KSR2: variants seen among roughly 807,000 people sequenced by gnomAD.
KSR2 encodes kinase suppressor of ras 2.
KSR2 carries 25 observed loss-of-function variants against 107.8 expected under a neutral mutation model. The ratio of observed to expected loss-of-function variants is 0.23; its 90% CI spans 0.17 to 0.32. The LOEUF is 0.32. Ranked by LOEUF, KSR2 falls within the 10% of genes least tolerant of loss-of-function variation. The pLI is 1.00. For missense variants in KSR2, 887 were observed against 1,268.9 expected, an observed-to-expected ratio of 0.70 and a Z score of 4.57; for synonymous variants, 480 against 507.0, an observed-to-expected ratio of 0.95 and a Z score of 0.71.
intron 4 of KSR2, among the ~76,000 whole-genome samples, chr12:117,673,470 G>A (rs1199240218): frequency 6.6e-6 from 1 of 151,910 alleles, no homozygotes; most frequent in Non-Finnish European, 1.5e-5. Flanking sequence ...GAGGAAGGAA[G>A]GATGGAAAAG....
intron 4 of KSR2, among the ~76,000 whole-genome samples, chr12:117,733,080 TC>T (rs1748632843): frequency 6.6e-6 from 1 of 152,084 alleles, no homozygotes; most frequent in African/African-American, 2.4e-5. Flanking sequence ...AGAAAGGGGC[TC>T]AGAGCAACTA....
At chr12:117,617,722 A>G (rs1881964324) in intron 5 of KSR2, among the ~76,000 whole-genome samples, 1 of 152,200 alleles carries the variant, frequency 6.6e-6, no homozygotes, top group South Asian at 2.1e-4. Flanking sequence ...GGAATGAGAG[A>G]ACATTTTGAG....
At chr12:117,896,730 G>A (rs936562080) in intron 1 of KSR2, among the ~76,000 whole-genome samples, 5 of 152,130 alleles carry the variant, frequency 3.3e-5, no homozygotes, top group African/African-American at 1.2e-4. Flanking sequence ...AAAGTGCTGG[G>A]ATTATAGGCA....
At chr12:117,943,500 CAAAAAAAAAAAAAA>C (rs35125662) in intron 1 of KSR2, among the ~76,000 whole-genome samples, 812 of 53,012 alleles carry the variant, frequency 0.015, 20 homozygotes, top group African/African-American at 0.059. Context: ...TCCACCTAGC[CAAAAAAAAAAAAAA>C]AAAAAAAAAA....
intron 5 of KSR2, among the ~76,000 whole-genome samples, chr12:117,651,206 G>T (rs995185589): frequency 1.3e-5 from 2 of 152,150 alleles, no homozygotes; most frequent in East Asian, 3.9e-4. Context: ...TGTCTGAGGG[G>T]ATAAACCCTG....
At chr12:117,540,064 T>A (rs1443240904) in intron 9 of KSR2, among the ~76,000 whole-genome samples, 177 bp from the exon 10 acceptor site, 2 of 152,074 alleles carry the variant, frequency 1.3e-5, no homozygotes, top group Admixed American at 1.3e-4. Flanking sequence ...TTGGGCTGCA[T>A]CCAGCTGTGG....
rs562802729 is a variant in KSR2, at chr12:117,567,627, G to A, written c.1326-9054C>T. Among the ~76,000 whole-genome samples, 203 of 150,112 alleles carry A rather than the reference G, an allele frequency of 1.4e-3. 1 individual carries two copies. The highest frequency in any genetic ancestry group is 4.8e-3 in the African/African-American group (194 of 40,476). ...TCTCTGTACCTGCTTTCCTTTTCCA[G>A]GTCACTGCATTAAGTGTTCCTGAAG... On this transcript the variant is annotated intron_variant, in intron 7 of 19. Coordinates refer to ENST00000339824, the MANE Select transcript of KSR2 (RefSeq NM_173598.6).
rs200451365 is a variant in KSR2 at position 117,761,473 on chromosome 12, G to A, written c.524C>T (p.Thr175Met). Residue 175 changes from threonine (T) to methionine (M), a missense_variant, in exon 4 of 20, where the codon ACG becomes ATG. Physicochemically the swap from Thr to Met is moderately conservative, Grantham distance 81 (BLOSUM62 -1). Around this residue, in one of 8 missense-constraint regions of KSR2, gnomAD observed 399 missense variants for 479.5 expected, o/e 0.83. Transcript: ENST00000339824. ...GCACACGGGATTGTTCTCCTTCCCC[G>A]TCTCTGTCGTGGGCCACTGGATGGT... ...DWTIQWPTTETGKENNPVCPP... is the reference protein window; with the variant it reads ...DWTIQWPTTEMGKENNPVCPP... The A allele has an allele frequency of 6.2e-6, 10 of 1,613,200 alleles. No homozygotes were observed. The highest frequency in any genetic ancestry group is 7.6e-6 in the Non-Finnish European group (9 of 1,179,700).
intron 14 of KSR2, among the ~76,000 whole-genome samples, chr12:117,519,103 G>A (rs765156481): frequency 3.3e-5 from 5 of 152,232 alleles, no homozygotes; most frequent in South Asian, 2.1e-4. Context: ...GCCGGGGTCC[G>A]ATGAATGTCT....
At chr12:117,611,752 A>G (rs1881614427) in intron 5 of KSR2, among the ~76,000 whole-genome samples, 1 of 152,230 alleles carries the variant, frequency 6.6e-6, no homozygotes, top group African/African-American at 2.4e-5. Flanking sequence ...CTAACCAGTG[A>G]TAACTTAAAA....
In KSR2 at chr12:117,462,983, G is replaced by C. The variant is rs1281205107; in HGVS notation, c.*4216C>G. 6.6e-6 allele frequency: 1 copy of C among 152,250 alleles called. No individual in the cohort carries two copies. The highest frequency in any genetic ancestry group is 6.5e-5 in the Admixed American group (1 of 15,290). The allele number at this position is 152,250 out of a possible 1,614,324, so 9.4% of individuals were successfully genotyped here. A position where few individuals can be genotyped will look rare whatever the true frequency, so the allele number is the denominator to read the frequency against. ...CAGCTGTCTGCAAGCCAAAGAAAGA[G>C]GCCTCACCAGAAACCAACCCTGCTG... On this transcript the variant is annotated 3_prime_UTR_variant, in exon 20 of 20. Coordinates refer to ENST00000339824, the MANE Select transcript of KSR2 (RefSeq NM_173598.6).
At chr12:117,883,875 C>CAAAAAAA (rs34939587) in intron 1 of KSR2, among the ~76,000 whole-genome samples, 1 of 93,836 alleles carries the variant, frequency 1.1e-5, no homozygotes. Context: ...GTCTCCATCT[C>CAAAAAAA]AAAAAAAAAA....
At chr12:117,939,944 A>AAAAC in intron 1 of KSR2, among the ~76,000 whole-genome samples, 1 of 140,176 alleles carries the variant, frequency 7.1e-6, no homozygotes, top group East Asian at 2.1e-4. Context: ...CCATCTTAAA[A>AAAAC]ACACACACAC....
chr12:117,725,889 G>A (rs1386911737), intron 4 of KSR2, among the ~76,000 whole-genome samples: 4 of 152,208 alleles, frequency 2.6e-5, no homozygotes, highest in African/African-American at 9.7e-5. Context: ...AGAGGTTGCA[G>A]GGTGTGGTGG....
chr12:117,561,420 A>G (rs1878112966), intron 7 of KSR2, among the ~76,000 whole-genome samples: 1 of 152,206 alleles, frequency 6.6e-6, no homozygotes, highest in Admixed American at 6.5e-5. Context: ...TTTAATCCTC[A>G]TAACAGCCCT....
At chr12:117,596,447 C>A (rs1880650189) in intron 5 of KSR2, among the ~76,000 whole-genome samples, 1 of 152,110 alleles carries the variant, frequency 6.6e-6, no homozygotes, top group Non-Finnish European at 1.5e-5. Context: ...CTCTGACAAC[C>A]AATGGGTAGT....
intron 18 of KSR2, among the ~76,000 whole-genome samples, chr12:117,470,902 A>G (rs1871411243): frequency 6.6e-6 from 1 of 152,224 alleles, no homozygotes; most frequent in South Asian, 2.1e-4. Flanking sequence ...TTTTAAAAAT[A>G]CCAGAAAAAG....
intron 3 of KSR2, among the ~76,000 whole-genome samples, chr12:117,834,351 T>G (rs1892111286): frequency 6.7e-6 from 1 of 148,424 alleles, no homozygotes. Flanking sequence ...GTACACCTTT[T>G]CCAGGGCACC....
chr12:117,731,729 C>A (rs489618), intron 4 of KSR2, among the ~76,000 whole-genome samples: 75,128 of 150,716 alleles, frequency 0.5, 19,462 homozygotes, highest in South Asian at 0.65. Flanking sequence ...TGATCTGTGA[C>A]CTTACCCCCA....
Sources: allele counts gnomAD v4.1 joint callset (sites outside exome capture counted in the v4.1 genomes callset), GRCh38; gene constraint gnomAD v4.1.1; regional missense constraint gnomAD v4.1.1; transcripts MANE v1.5; gene names NCBI Gene and HGNC (gene_info 2026-07-23, HGNC 2026-07-21).